ABCA10: variants seen among roughly 807,000 people sequenced by gnomAD.
The protein encoded by ABCA10 is ATP-binding cassette sub-family A member 10.
In ABCA10, 169 loss-of-function variants were observed where a neutral mutation model predicts 187.5. That is an observed-to-expected ratio of 0.90 (90% CI 0.80 to 1.02). ABCA10 has a LOEUF of 1.02. Ranked by LOEUF, ABCA10 falls within the 50% of genes least tolerant of loss-of-function variation. ABCA10 has a pLI of 0.00. For synonymous variants in ABCA10, 574 were observed against 601.8 expected, an observed-to-expected ratio of 0.95 and a Z score of 0.68; for missense variants, 1,727 against 1,812.4, an observed-to-expected ratio of 0.95 and a Z score of 0.86.
chr17:69,165,203 T>C (rs766823273), intron 25 of ABCA10, 120 bp from the exon 26 acceptor site: 4 of 826,322 alleles, frequency 4.8e-6, no homozygotes, highest in Non-Finnish European at 7.5e-6. Context: ...ACCTCACAGA[T>C]AGAAATATTC....
chr17:69,178,955 A>G (rs1262392222), intron 22 of ABCA10: 2 of 152,100 alleles, frequency 1.3e-5, no homozygotes, highest in Non-Finnish European at 2.9e-5. Context: ...TTAATATCCA[A>G]ATTGCTTCCT....
intron 5 of ABCA10, among the ~76,000 whole-genome samples, chr17:69,220,719 C>A (rs1479857582): frequency 6.6e-6 from 1 of 152,184 alleles, no homozygotes; most frequent in Non-Finnish European, 1.5e-5. Flanking sequence ...GGAGCTAGAG[C>A]AGACGTCTAG....
In ABCA10 at chr17:69,150,081, G is replaced by A. The variant is rs2074117099; in HGVS notation, c.4398-18C>T. 6.3e-7 allele frequency: 1 copy of A among 1,576,944 alleles called. No homozygotes were observed. Among genetic ancestry groups the A allele is most frequent in the Non-Finnish European group, 8.7e-7 (1 of 1,150,244 alleles). On this transcript the variant is annotated intron_variant, in intron 36 of 38. Transcript: ENST00000690296. Reference sequence around the variant, plus strand: ...AGGAATATCTGTCAGGAAGAAGAGTGAGATTTATTACTAAGTTTCAGTGTG... The same window carrying A: ...AGGAATATCTGTCAGGAAGAAGAGTAAGATTTATTACTAAGTTTCAGTGTG...
rs375252676 is a variant in ABCA10 at position 69,176,408 on chromosome 17, T to A, written c.2770-895A>T. 1.7e-4 allele frequency among the ~76,000 whole-genome samples: 26 copies of A among 152,038 alleles called. 1 individual carries two copies. Among genetic ancestry groups the A allele is most frequent in the African/African-American group, 2.9e-4 (12 of 41,458 alleles). On this transcript the variant is annotated intron_variant, in intron 22 of 38. Coordinates refer to ENST00000690296, the MANE Select transcript of ABCA10 (RefSeq NM_001377321.1). ...AAGACACTGTAATTTATTATTATTA[T>A]GACAAAAAAAATCTAAAGAAAAGGA...
intron 11 of ABCA10, among the ~76,000 whole-genome samples, chr17:69,194,697 G>A (rs965623173): frequency 1.3e-5 from 2 of 151,972 alleles, no homozygotes; most frequent in African/African-American, 4.8e-5. Context: ...ATCAAGACTG[G>A]GAATATAAAT....
chr17:69,159,045 T>G (rs2074195672), intron 27 of ABCA10, among the ~76,000 whole-genome samples: 1 of 151,930 alleles, frequency 6.6e-6, no homozygotes, highest in Non-Finnish European at 1.5e-5. Flanking sequence ...TCCAGAAGAT[T>G]AAACATTTAA....
chr17:69,217,846 T>C (rs1194766740), intron 6 of ABCA10, among the ~76,000 whole-genome samples: 1 of 152,170 alleles, frequency 6.6e-6, no homozygotes, highest in Admixed American at 6.5e-5. Context: ...AATTATATCA[T>C]TTTATTATTT....
chr17:69,229,579 G>A (rs1345960652), upstream of ABCA10, among the ~76,000 whole-genome samples: 1 of 151,828 alleles, frequency 6.6e-6, no homozygotes, highest in African/African-American at 2.4e-5. Flanking sequence ...AGAAGCTAAT[G>A]CCCATTCATG....
rs1480443460 is a variant in ABCA10 at position 69,174,299 on chromosome 17, C to T, written c.3144G>A (p.Trp1048Ter). The T allele has an allele frequency of 6.2e-7, 1 of 1,604,094 alleles. No homozygotes were observed. Among genetic ancestry groups the T allele is most frequent in the Non-Finnish European group, 8.5e-7 (1 of 1,176,442 alleles). ...TACTTACAATAAAAAAGCCAAAAGA[C>T]CAAAAGCCATTATTTTTTCTCCACT... ...FRKWRKNNGF[W>*]SFGFFIILIC... Residue 1048 changes from tryptophan (W) to a stop codon, truncating the protein, a stop_gained, in exon 25 of 39, where the codon TGG becomes TGA. Coordinates refer to ENST00000690296, the MANE Select transcript of ABCA10 (RefSeq NM_001377321.1). LOFTEE classifies it high-confidence loss of function.
intron 19 of ABCA10, among the ~76,000 whole-genome samples, chr17:69,187,415 A>T (rs1297196354): frequency 6.6e-6 from 1 of 152,144 alleles, no homozygotes; most frequent in African/African-American, 2.4e-5. Context: ...CCTTAAAGTC[A>T]GCACAGGGAG....
intron 27 of ABCA10, among the ~76,000 whole-genome samples, chr17:69,157,599 G>T (rs943916069): frequency 6.6e-6 from 1 of 152,164 alleles, no homozygotes; most frequent in Non-Finnish European, 1.5e-5. Flanking sequence ...GTTTAACATG[G>T]TACCAGACTG....
chr17:69,214,031 C>G (rs2074681896), intron 9 of ABCA10, among the ~76,000 whole-genome samples: 1 of 152,040 alleles, frequency 6.6e-6, no homozygotes, highest in African/African-American at 2.4e-5. Context: ...TTAACAAGAA[C>G]CAATTAATGA....
chr17:69,180,380 A>G (rs901028897), intron 22 of ABCA10, among the ~76,000 whole-genome samples: 4 of 152,216 alleles, frequency 2.6e-5, no homozygotes, highest in Admixed American at 6.5e-5. Flanking sequence ...CAAGAAGTTC[A>G]TATTTGAAAA....
rs1168701150 is a variant in ABCA10, at chr17:69,192,646, T to C, written c.1788A>G (p.Lys596=). ...TCAACTTCCCATTAGACAGAAATAC[T>C]TTCCTATCTGAGTAGAAAGGAAGAT... ...MDEADILADR[K]VFLSNGKLKC... The change falls in exon 16 of 39, where the codon AAA becomes AAG. Residue 596 remains lysine (K), a synonymous_variant. Transcript: ENST00000690296. The C allele has an allele frequency of 6.2e-7, 1 of 1,612,446 alleles. No homozygotes were observed. The highest frequency in any genetic ancestry group is 8.5e-7 in the Non-Finnish European group (1 of 1,179,284).
intron 11 of ABCA10, 51 bp downstream of exon 11, chr17:69,197,012 GA>G (rs2074510239): frequency 7.7e-7 from 1 of 1,292,350 alleles, no homozygotes; most frequent in East Asian, 2.5e-5. Context: ...TGGACAGAGG[GA>G]GGGGGAGGGG....
rs1279796636 is a variant in ABCA10 at position 69,190,413 on chromosome 17, T to A, written c.2076A>T (p.Thr692=). 9 of 1,583,046 alleles carry A rather than the reference T, an allele frequency of 5.7e-6. No homozygotes were observed. The highest frequency in any genetic ancestry group is 6.8e-6 in the Non-Finnish European group (8 of 1,170,528). The change falls in exon 18 of 39, where the codon ACA becomes ACT. Residue 692 remains threonine (T), a synonymous_variant. Coordinates refer to ENST00000690296, the MANE Select transcript of ABCA10 (RefSeq NM_001377321.1). ...GGTTCAAGAATACTTCATTCAGAGA[T>A]GTCACTGAAACAGCATAATTCCTTA... is the stretch of plus-strand genomic sequence containing the variant. ...QGIRNYAVSV[T]SLNEVFLNLE...
At chr17:69,205,150 G>T (rs187450100) in intron 9 of ABCA10, among the ~76,000 whole-genome samples, 22 of 151,868 alleles carry the variant, frequency 1.4e-4, no homozygotes, top group Admixed American at 3.3e-4. Context: ...AAATAAATTA[G>T]ATTTAAAAAT....
chr17:69,156,088 G>A (rs1410215359), intron 28 of ABCA10, among the ~76,000 whole-genome samples, 163 bp from the exon 29 acceptor site: 1 of 152,174 alleles, frequency 6.6e-6, no homozygotes, highest in Non-Finnish European at 1.5e-5. Context: ...ACCTCCGGTA[G>A]CCAAGTCCCT....
intron 8 of ABCA10, among the ~76,000 whole-genome samples, 171 bp from the exon 9 acceptor site, chr17:69,215,022 AT>A (rs2074693432): frequency 1.3e-5 from 2 of 152,326 alleles, no homozygotes; most frequent in African/African-American, 4.8e-5. Flanking sequence ...AAATGTAAGT[AT>A]TCTCACAAAA....
Sources: gnomAD v4.1 joint callset for allele counts (sites outside exome capture counted in the v4.1 genomes callset) on GRCh38, gnomAD v4.1.1 for gene constraint, MANE v1.5 for transcripts, NCBI Gene and HGNC (gene_info 2026-07-23, HGNC 2026-07-21) for gene names.